Variants in CLUAP1 observed in about 807,000 individuals in gnomAD.
CLUAP1 encodes intraflagellar transport 38.
CLUAP1 carries 50 observed loss-of-function variants against 55.0 expected under a neutral mutation model. The ratio of observed to expected loss-of-function variants is 0.91; its 90% CI spans 0.72 to 1.15. The LOEUF (loss-of-function observed/expected upper bound fraction) is 1.15. CLUAP1 is among the 50% of genes most tolerant of loss of function. CLUAP1 has a pLI of 0.00. For synonymous variants in CLUAP1, 195 were observed against 175.4 expected (o/e 1.11, Z -0.88); for missense variants, 530 against 507.6 (o/e 1.04, Z -0.42).
Position 3,536,220 on chromosome 16 carries a change from T to G in CLUAP1, c.1191T>G (p.Asn397Lys), listed in dbSNP as rs1160057419. ...ESISLSPTKP[N>K]RRVRKSEPLD... ...TTTCTCTCTCACCAACCAAGCCCAA[T>G]CGAAGGGTCCGGAAATCTGAACCCC... The change falls in exon 12 of 12, where the codon AAT becomes AAG. Residue 397 changes from asparagine (N) to lysine (K), a missense_variant. Transcript: ENST00000576634. 2 of 1,614,090 alleles carry G rather than the reference T, an allele frequency of 1.2e-6. No homozygotes were observed. The highest frequency in any genetic ancestry group is 4.5e-5 in the East Asian group (2 of 44,874).
intron 9 of CLUAP1, among the ~76,000 whole-genome samples, chr16:3,529,564 T>TTATATA (rs1567439527): frequency 4.3e-5 from 2 of 46,718 alleles, no homozygotes; most frequent in African/African-American, 2.1e-4. Context: ...TATATTATTA[T>TTATATA]ATATTATATA....
intron 6 of CLUAP1, 120 bp from the exon 7 acceptor site, chr16:3,519,783 G>A (rs779644524): frequency 3.1e-6 from 3 of 962,640 alleles, no homozygotes; most frequent in Non-Finnish European, 4.5e-6. Flanking sequence ...GTGTCTATTT[G>A]TTTGCTTTTG....
chr16:3,519,707 CT>C (rs1315998559), intron 6 of CLUAP1, among the ~76,000 whole-genome samples, 195 bp from the exon 7 acceptor site: 1 of 152,102 alleles, frequency 6.6e-6, no homozygotes, highest in African/African-American at 2.4e-5. Context: ...AAAGAGATAC[CT>C]TTTTCTGGAC....
chr16:3,499,174 G>C (rs534604978), upstream of CLUAP1, among the ~76,000 whole-genome samples: 1 of 152,368 alleles, frequency 6.6e-6, no homozygotes, highest in African/African-American at 2.4e-5. Flanking sequence ...GCGAAACTCC[G>C]TCTCTACCCA....
At chr16:3,535,862 A>T (rs1223904692) in intron 11 of CLUAP1, 6 of 469,382 alleles carry the variant, frequency 1.3e-5, no homozygotes, top group African/African-American at 1.2e-4. Context: ...TGCTTCTTAG[A>T]CGCTGCGGGA....
chr16:3,526,064 A>C (rs1458901737), intron 8 of CLUAP1, among the ~76,000 whole-genome samples: 1 of 152,128 alleles, frequency 6.6e-6, no homozygotes, highest in Non-Finnish European at 1.5e-5. Context: ...TCTCTGCCCT[A>C]AAATTAGATG....
At chr16:3,502,637 G>A (rs181753428) in intron 1 of CLUAP1, among the ~76,000 whole-genome samples, 1 of 152,140 alleles carries the variant, frequency 6.6e-6, no homozygotes, top group East Asian at 1.9e-4. Flanking sequence ...TTTTATCCAT[G>A]CAGCCACTGA....
chr16:3,496,000 G>A (rs571032333), upstream of CLUAP1, among the ~76,000 whole-genome samples: 1 of 152,210 alleles, frequency 6.6e-6, no homozygotes, highest in South Asian at 2.1e-4. Context: ...AATTAGCCGG[G>A]CGTCGTGGCG....
chr16:3,513,038 G>A (rs1226860601), intron 5 of CLUAP1, among the ~76,000 whole-genome samples: 1 of 152,212 alleles, frequency 6.6e-6, no homozygotes, highest in African/African-American at 2.4e-5. Flanking sequence ...TGACTGAGCT[G>A]TCCTTGTTGT....
chr16:3,513,982 T>C (rs2037683523), intron 5 of CLUAP1, among the ~76,000 whole-genome samples: 1 of 152,200 alleles, frequency 6.6e-6, no homozygotes, highest in Admixed American at 6.5e-5. Context: ...CTATGTCTGC[T>C]CATCATATAT....
At position 3,536,123 on chromosome 16, in the gene CLUAP1, A is replaced by G. The variant is rs144693797; in HGVS notation, c.1094A>G (p.Glu365Gly). 2.3e-4 allele frequency: 368 copies of G among 1,613,784 alleles called. 2 individuals carry two copies. The highest frequency in any genetic ancestry group is 2.9e-4 in the Non-Finnish European group (346 of 1,179,912). ...TMQGGDSDDN[E>G]DSEESEIDME... Reference sequence around the variant, plus strand: ...GCATCTGCCATTTTTTTCCTATAGGAGGACTCGGAGGAGAGTGAAATTGAC... The same window carrying G: ...GCATCTGCCATTTTTTTCCTATAGGGGGACTCGGAGGAGAGTGAAATTGAC... The change falls in exon 12 of 12, where the codon GAG (glutamate) becomes GGG (glycine). Residue 365 changes from glutamate (E) to glycine (G), a missense_variant and splice_region_variant. By Grantham distance (98) the Glu-to-Gly change is moderately conservative. Transcript: ENST00000576634.
intron 11 of CLUAP1, 28 bp downstream of exon 11, chr16:3,532,869 C>T (rs1313932219): frequency 4.3e-6 from 7 of 1,611,928 alleles, no homozygotes; most frequent in South Asian, 1.1e-5. Flanking sequence ...CTCAGTGGTT[C>T]TGTGCACTCT....
chr16:3,506,976 C>T (rs2037518900), intron 3 of CLUAP1, among the ~76,000 whole-genome samples: 1 of 151,376 alleles, frequency 6.6e-6, no homozygotes, highest in African/African-American at 2.4e-5. Context: ...GTGGGCGGAT[C>T]ACGAGGTCAG....
At chr16:3,522,444 G>A (rs1392905479) in intron 7 of CLUAP1, among the ~76,000 whole-genome samples, 4 of 152,268 alleles carry the variant, frequency 2.6e-5, no homozygotes, top group Admixed American at 2.0e-4. Context: ...GATTACAGGC[G>A]TGCGCCACCG....
upstream of CLUAP1, chr16:3,496,155 G>A (rs2037306272): frequency 3.4e-5 from 14 of 415,232 alleles, no homozygotes; most frequent in South Asian, 2.7e-4. Flanking sequence ...AAAAAAAAAA[G>A]TTAAACATTC....
At chr16:3,507,995 A>G (rs778166928) in intron 3 of CLUAP1, among the ~76,000 whole-genome samples, 1 of 152,130 alleles carries the variant, frequency 6.6e-6, no homozygotes, top group Non-Finnish European at 1.5e-5. Flanking sequence ...TAACCTGTAC[A>G]TCTCATTTTG....
At chr16:3,525,190 C>T (rs941198137) in intron 8 of CLUAP1, among the ~76,000 whole-genome samples, 1 of 152,134 alleles carries the variant, frequency 6.6e-6, no homozygotes, top group African/African-American at 2.4e-5. Context: ...CTAGAAAGAG[C>T]TTGGAGTTTA....
chr16:3,510,390 C>T (rs2037600637), intron 4 of CLUAP1, among the ~76,000 whole-genome samples: 1 of 152,092 alleles, frequency 6.6e-6, no homozygotes. Flanking sequence ...CTGCCTCGGC[C>T]TCCCGTAGTG....
chr16:3,526,280 T>C, intron 8 of CLUAP1, 132 bp from the exon 9 acceptor site: 1 of 422,794 alleles, frequency 2.4e-6, no homozygotes, highest in Non-Finnish European at 4.0e-6. Context: ...GTTAATTCTC[T>C]TCCCCTTCCT....
Sources: gnomAD v4.1 joint callset for allele counts (sites outside exome capture counted in the v4.1 genomes callset) on GRCh38, gnomAD v4.1.1 for gene constraint, MANE v1.5 for transcripts, NCBI Gene and HGNC (gene_info 2026-07-23, HGNC 2026-07-21) for gene names.